PTPRB: variants seen among roughly 807,000 people sequenced by gnomAD.
PTPRB encodes the protein protein tyrosine phosphatase receptor type B.
A neutral mutation model predicts 238.1 loss-of-function variants in PTPRB; 97 were observed. That is an observed-to-expected ratio of 0.41 (90% CI 0.35 to 0.48). The LOEUF (loss-of-function observed/expected upper bound fraction) is 0.48. PTPRB is among the 20% of genes least tolerant of loss of function. The probability of loss-of-function intolerance (pLI) is 0.30; values close to 1 mark genes in which losing one functional copy is unlikely to be tolerated. For synonymous variants in PTPRB, 970 were observed against 995.4 expected (o/e 0.97, Z 0.48); for missense variants, 2,292 against 2,681.9 (o/e 0.85, Z 3.21).
At chr12:70,533,995 C>T (rs1218766781) in intron 31 of PTPRB, among the ~76,000 whole-genome samples, 2 of 152,110 alleles carry the variant, frequency 1.3e-5, no homozygotes, top group Non-Finnish European at 2.9e-5. Context: ...TGCTACTAGA[C>T]CTGGAGGGAA....
intron 8 of PTPRB, among the ~76,000 whole-genome samples, chr12:70,588,658 A>G (rs1882181940): frequency 6.6e-6 from 1 of 151,920 alleles, no homozygotes; most frequent in African/African-American, 2.4e-5. Flanking sequence ...AAGAAAAAGA[A>G]AAACAAAAGT....
rs972126541 is a variant in PTPRB, at chr12:70,632,227, A to T, written c.451+3444T>A. On this transcript the variant is annotated intron_variant, in intron 2 of 33. Coordinates refer to ENST00000334414, the MANE Select transcript of PTPRB (RefSeq NM_001109754.4). ...GATTAAGAAAATGTGGCACATATAC[A>T]CCATGGAATACTATTGCAGCCATAA... Among the ~76,000 whole-genome samples the T allele has an allele frequency of 1.1e-4, 17 of 152,346 alleles. No homozygotes were observed. In the East Asian group the frequency reaches 1.3e-3, roughly 12 times the overall value.
intron 22 of PTPRB, among the ~76,000 whole-genome samples, chr12:70,544,052 C>T (rs7294823): frequency 0.11 from 16,801 of 152,160 alleles, 1,269 homozygotes; most frequent in South Asian, 0.2. Context: ...TTGTTATGCA[C>T]AGTCTTTTAT....
chr12:70,563,345 T>G (rs1008975930), intron 15 of PTPRB, among the ~76,000 whole-genome samples: 16 of 152,332 alleles, frequency 1.1e-4, no homozygotes, highest in African/African-American at 3.8e-4. Context: ...AACCACCTCC[T>G]TGCAAACTGC....
intron 5 of PTPRB, among the ~76,000 whole-genome samples, chr12:70,594,927 T>C (rs1882855168): frequency 6.6e-6 from 1 of 152,224 alleles, no homozygotes; most frequent in Non-Finnish European, 1.5e-5. Flanking sequence ...TCAAGTTACA[T>C]CATAATTTAC....
At chr12:70,581,000 T>G (rs1277884911) in intron 10 of PTPRB, 36 bp downstream of exon 10, 5 of 1,597,008 alleles carry the variant, frequency 3.1e-6, no homozygotes, top group Non-Finnish European at 4.3e-6. Flanking sequence ...TACTCAGATC[T>G]TAGTTAAGTC....
At position 70,566,535 on chromosome 12, in the gene PTPRB, G is replaced by C. The variant is rs1455200107; in HGVS notation, c.3804C>G (p.His1268Gln). 3.7e-6 allele frequency: 6 copies of C among 1,613,992 alleles called. No individual in the cohort carries two copies. In the South Asian group the frequency reaches 6.6e-5, roughly 18 times the overall value. ...NTSEPATTKQ[H>Q]KFEDLTPGKK... ...TGCCTGGTGTTAGATCTTCAAATTT[G>C]TGTTGCTTAGTGGTGGCTGGCTCTG... The change falls in exon 15 of 34, where the codon CAC (histidine) becomes CAG (glutamine). Residue 1268 changes from histidine to glutamine, a missense_variant. Transcript: ENST00000334414.
At chr12:70,555,016 G>C (rs912865024) in intron 20 of PTPRB, 144 bp downstream of exon 20, 2 of 896,186 alleles carry the variant, frequency 2.2e-6, no homozygotes, top group African/African-American at 3.4e-5. Flanking sequence ...ACATCTCCCT[G>C]TATCCAGCAG....
At chr12:70,582,514 G>C (rs940884140) in intron 9 of PTPRB, among the ~76,000 whole-genome samples, 8 of 152,046 alleles carry the variant, frequency 5.3e-5, no homozygotes, top group Admixed American at 5.2e-4. Context: ...AGAGATAGAA[G>C]AATATGCTAT....
chr12:70,637,375 C>A lies in PTPRB; in HGVS notation c.21G>T (p.Met7Ile). The change falls in exon 1 of 34, where the codon ATG (methionine) becomes ATT (isoleucine). Residue 7 changes from methionine (M) to isoleucine (I), a missense_variant. Transcript: ENST00000334414. ...TGAAGATCAAGCAGGTAAGAATCAC[C>A]ATGTAAAATTCAGCCTCCATTTTCC... is the stretch of plus-strand genomic sequence containing the variant. MEAEFY[M>I]VILTCLIFRN... 6.2e-7 allele frequency: 1 copy of A among 1,609,066 alleles called. No individual in the cohort carries two copies. The highest frequency in any genetic ancestry group is 1.7e-5 in the Admixed American group (1 of 59,362).
intron 2 of PTPRB, among the ~76,000 whole-genome samples, chr12:70,635,436 G>A (rs1228512172): frequency 6.6e-6 from 1 of 152,084 alleles, no homozygotes; most frequent in Non-Finnish European, 1.5e-5. Flanking sequence ...AGACAAGAAG[G>A]GAAGGAAGAA....
At chr12:70,585,185 TC>T (rs1414429843) in intron 9 of PTPRB, 21 of 152,182 alleles carry the variant, frequency 1.4e-4, no homozygotes, top group African/African-American at 5.1e-4. Flanking sequence ...GGTCTTGAAT[TC>T]CTGGCCTCAA....
At position 70,560,781 on chromosome 12, in the gene PTPRB, T is replaced by C. The variant is rs761321748; in HGVS notation, c.4322A>G (p.Asp1441Gly). ...GTKKENWKDKDLTEWRFQGLV... is the reference protein window; with the variant it reads ...GTKKENWKDKGLTEWRFQGLV... ...GCCTTGAAACCGCCACTCCGTCAGG[T>C]CCTTGTCTTTCCAGTTTTCCTTCTT... Residue 1441 changes from aspartate (D) to glycine (G), a missense_variant, in exon 17 of 34, where the codon GAC becomes GGC. Around this residue, in one of 4 missense-constraint regions of PTPRB, gnomAD observed 683 missense variants for 862.0 expected, o/e 0.79. Coordinates refer to ENST00000334414, the MANE Select transcript of PTPRB (RefSeq NM_001109754.4). This position sits in a 1 kb window ranked among gnomAD's most constrained non-coding sequence, Gnocchi z 4.2. 1 of 1,613,966 alleles carries C rather than the reference T, an allele frequency of 6.2e-7. No individual in the cohort carries two copies. The highest frequency in any genetic ancestry group is 8.5e-7 in the Non-Finnish European group (1 of 1,179,882).
chr12:70,622,472 T>C lies in PTPRB; in HGVS notation c.626A>G (p.His209Arg). 1 of 1,613,526 alleles carries C rather than the reference T, an allele frequency of 6.2e-7. No individual in the cohort carries two copies. The highest frequency in any genetic ancestry group is 8.5e-7 in the Non-Finnish European group (1 of 1,179,708). The change falls in exon 3 of 34, where the codon CAT (histidine) becomes CGT (arginine). Residue 209 changes from histidine to arginine, a missense_variant. By Grantham distance (29) the His-to-Arg change is conservative. Transcript: ENST00000334414. ...AATTCCAGTCATGTGCAGATTGGGA[T>C]GCTGCCTCTCGCTGCTGTTTTGGCT... ...NYSQNSSERQ[H>R]PNLHMTGITD... is the part of the protein sequence containing the mutation.
chr12:70,520,429 G>T lies in PTPRB; in HGVS notation c.*1060C>A. The T allele has an allele frequency of 4.4e-6, 1 of 227,926 alleles. No homozygotes were observed. Among genetic ancestry groups the T allele is most frequent in the Non-Finnish European group, 8.9e-6 (1 of 112,570 alleles). 14.1% of individuals were successfully genotyped at this position (227,926 alleles called of 1,614,324 possible). On this transcript the variant is annotated 3_prime_UTR_variant, in exon 34 of 34. Transcript: ENST00000334414. ...GACCACTGTTTTTGTTTTTGCTATT[G>T]TTTTTAAATTTACTATATATGATGT...
chr12:70,564,320 T>C (rs1331358195), intron 15 of PTPRB, among the ~76,000 whole-genome samples: 2 of 151,888 alleles, frequency 1.3e-5, no homozygotes, highest in Non-Finnish European at 2.9e-5. Context: ...AAGACCAGCC[T>C]GGCCAACATG....
chr12:70,520,237 TTC>T lies in PTPRB; in HGVS notation c.*1250_*1251del, dbSNP rs1216903325. On this transcript the variant is annotated 3_prime_UTR_variant, in exon 34 of 34. Transcript: ENST00000334414. ...ACTGGACCTTGATGAAGGAAATACTTTCTGACTCATTGGAATTTGTTATAGTC... is the reference window on the plus strand; with the variant it reads ...ACTGGACCTTGATGAAGGAAATACTTTGACTCATTGGAATTTGTTATAGTC... 2 of 472,120 alleles carry T rather than the reference TTC, an allele frequency of 4.2e-6. No homozygotes were observed. The highest frequency in any genetic ancestry group is 8.5e-6 in the Non-Finnish European group (2 of 234,584). The allele number at this position is 472,120 out of a possible 1,614,324, so 29.2% of individuals were successfully genotyped here.
chr12:70,590,224 TTGTC>T lies in PTPRB; in HGVS notation c.1786_1789del (p.Asp596LysfsTer13). ...ATTGTTTGCCTCCAGGTTTGCAACTTTGTCTGGAACTAAACGGTGAAATGATGTC... is the reference window on the plus strand; with the variant it reads ...ATTGTTTGCCTCCAGGTTTGCAACTTTGGAACTAAACGGTGAAATGATGTC... On this transcript the variant is annotated frameshift_variant, in exon 8 of 34. Coordinates refer to ENST00000334414, the MANE Select transcript of PTPRB (RefSeq NM_001109754.4). LOFTEE classifies it high-confidence loss of function. The T allele has an allele frequency of 6.4e-7, 1 of 1,566,416 alleles. No individual in the cohort carries two copies. The highest frequency in any genetic ancestry group is 8.7e-7 in the Non-Finnish European group (1 of 1,155,534).
At chr12:70,591,916 A>G (rs929639033) in intron 7 of PTPRB, 13 of 259,208 alleles carry the variant, frequency 5.0e-5, no homozygotes, top group Admixed American at 2.0e-4. Context: ...CACTGGATAG[A>G]TAAGTGAGGA....
Sources: allele counts gnomAD v4.1 joint callset (sites outside exome capture counted in the v4.1 genomes callset), GRCh38; gene constraint gnomAD v4.1.1; regional missense constraint gnomAD v4.1.1; non-coding constraint Gnocchi (gnomAD v3.1); transcripts MANE v1.5; gene names NCBI Gene and HGNC (gene_info 2026-07-23, HGNC 2026-07-21).